The following INPP4B variants were observed in gnomAD, a reference collection of about 807,000 sequenced individuals.
INPP4B encodes inositol polyphosphate 4-phosphatase type II.
A neutral mutation model predicts 122.5 loss-of-function variants in INPP4B; 55 were observed. The observed-to-expected ratio is 0.45, with a 90% CI of 0.36 to 0.56. The LOEUF (loss-of-function observed/expected upper bound fraction) is 0.56, where lower values mean the gene tolerates loss of function less well. INPP4B is among the 20% of genes least tolerant of loss of function. The probability of loss-of-function intolerance (pLI) is 0.00; values close to 1 mark genes in which losing one functional copy is unlikely to be tolerated. For missense variants in INPP4B, 1,000 were observed against 1,097.7 expected (o/e 0.91, Z 1.26); for synonymous variants, 403 against 388.7 (o/e 1.04, Z -0.43).
chr4:142,388,022 T>C (rs555796671), intron 7 of INPP4B, among the ~76,000 whole-genome samples: 5 of 152,358 alleles, frequency 3.3e-5, no homozygotes, highest in African/African-American at 9.6e-5. Flanking sequence ...CCTTTATTAT[T>C]TGCTGATTCT....
At chr4:142,155,159 T>C (rs116343440) in intron 17 of INPP4B, among the ~76,000 whole-genome samples, 5,639 of 152,132 alleles carry the variant, frequency 0.037, 178 homozygotes, top group South Asian at 0.11. Flanking sequence ...AAAAGTTTAA[T>C]CATAGATTAA....
chr4:142,770,105 G>GA lies in INPP4B; in HGVS notation c.-253-44205dup, dbSNP rs544576028. 3.6e-3 allele frequency among the ~76,000 whole-genome samples: 544 copies of GA among 151,834 alleles called. 2 individuals are homozygous for GA. Among genetic ancestry groups the GA allele is most frequent in the Middle Eastern group, 0.014 (4 of 294 alleles). On this transcript the variant is annotated intron_variant, in intron 1 of 25. Transcript: ENST00000262992. ...CAAATTCTGGTATGACGTGTGGTGT[G>GA]AAAAAAAATTACATTACAAACTGAC...
chr4:142,258,914 T>C (rs1205560369), intron 11 of INPP4B, among the ~76,000 whole-genome samples: 1 of 152,140 alleles, frequency 6.6e-6, no homozygotes, highest in African/African-American at 2.4e-5. Context: ...CATATATTTA[T>C]TGTGGCATTA....
At chr4:142,602,624 C>A (rs1018704032) in intron 2 of INPP4B, among the ~76,000 whole-genome samples, 1 of 152,164 alleles carries the variant, frequency 6.6e-6, no homozygotes, top group Admixed American at 6.5e-5. Flanking sequence ...AGCTCAACAT[C>A]ACTGATCATT....
intron 25 of INPP4B, among the ~76,000 whole-genome samples, chr4:142,034,308 A>G (rs1276260522): frequency 6.6e-6 from 1 of 152,070 alleles, no homozygotes; most frequent in Non-Finnish European, 1.5e-5. Flanking sequence ...CTGGCATCTT[A>G]GCAGGTGGGG....
intron 23 of INPP4B, among the ~76,000 whole-genome samples, chr4:142,104,790 C>A (rs1330410170): frequency 6.6e-6 from 1 of 152,056 alleles, no homozygotes. Flanking sequence ...CACATCATCC[C>A]CTATACTTTA....
intron 8 of INPP4B, chr4:142,306,034 G>C: frequency 1.7e-6 from 1 of 572,266 alleles, no homozygotes; most frequent in Non-Finnish European, 2.2e-6. Flanking sequence ...TCACAGCAAT[G>C]TTTAAAAGCA....
chr4:142,031,900 A>G (rs1204011132), intron 25 of INPP4B, among the ~76,000 whole-genome samples: 1 of 152,228 alleles, frequency 6.6e-6, no homozygotes, highest in African/African-American at 2.4e-5. Context: ...TACATCAGAT[A>G]GAGATTTCAA....
At chr4:142,132,683 A>C (rs1801924911) in intron 18 of INPP4B, among the ~76,000 whole-genome samples, 1 of 152,072 alleles carries the variant, frequency 6.6e-6, no homozygotes, top group African/African-American at 2.4e-5. Context: ...CCTACTTAAG[A>C]GTGTCACTCT....
intron 1 of INPP4B, among the ~76,000 whole-genome samples, chr4:142,740,607 A>G (rs1278802421): frequency 2.0e-5 from 3 of 151,944 alleles, no homozygotes; most frequent in Non-Finnish European, 2.9e-5. Flanking sequence ...CCTTATAAGA[A>G]ATAGTGGAGA....
intron 9 of INPP4B, among the ~76,000 whole-genome samples, chr4:142,302,123 T>A (rs3775688): frequency 6.6e-6 from 1 of 152,110 alleles, no homozygotes; most frequent in African/African-American, 2.4e-5. Context: ...GTCAGGGTTC[T>A]GGGATAAGAA....
intron 18 of INPP4B, among the ~76,000 whole-genome samples, chr4:142,140,581 T>A (rs905476259): frequency 6.6e-6 from 1 of 152,194 alleles, no homozygotes; most frequent in Admixed American, 6.5e-5. Context: ...AAAATCATCC[T>A]GAGTAGGTCA....
chr4:142,737,016 C>A (rs1477616973), intron 1 of INPP4B, among the ~76,000 whole-genome samples: 1 of 152,116 alleles, frequency 6.6e-6, no homozygotes, highest in Non-Finnish European at 1.5e-5. Flanking sequence ...GAATCAATAT[C>A]ATGAAAATGG....
rs189516669 is a variant in INPP4B at position 142,064,399 on chromosome 4, C to G, written c.2642+17632G>C. Reference sequence around the variant, plus strand: ...GTCAACCAGATGTTTCTCATGTGGTCAAGCTGAACCCATGGTAGGTCTACA... The same window carrying G: ...GTCAACCAGATGTTTCTCATGTGGTGAAGCTGAACCCATGGTAGGTCTACA... On this transcript the variant is annotated intron_variant, in intron 25 of 25. Coordinates refer to ENST00000262992, the MANE Select transcript of INPP4B (RefSeq NM_001101669.3). Among the ~76,000 whole-genome samples, 517 of 152,098 alleles carry G rather than the reference C, an allele frequency of 3.4e-3. 4 individuals carry two copies. Among genetic ancestry groups the G allele is most frequent in the Middle Eastern group, 3.4e-3 (1 of 294 alleles).
intron 1 of INPP4B, among the ~76,000 whole-genome samples, chr4:142,742,338 T>C (rs1768024606): frequency 6.6e-6 from 1 of 152,030 alleles, no homozygotes; most frequent in South Asian, 2.1e-4. Flanking sequence ...TTCTGCTAAG[T>C]TGCATTTTTA....
intron 2 of INPP4B, among the ~76,000 whole-genome samples, chr4:142,699,768 G>T (rs906176167): frequency 1.3e-5 from 2 of 152,156 alleles, no homozygotes; most frequent in Admixed American, 1.3e-4. Context: ...CAAAAGGTAT[G>T]CAATATCTAG....
chr4:142,469,428 C>A (rs186684549), intron 2 of INPP4B, among the ~76,000 whole-genome samples: 1 of 152,060 alleles, frequency 6.6e-6, no homozygotes, highest in East Asian at 1.9e-4. Flanking sequence ...ATATCAATTC[C>A]TTCCAAATTA....
At chr4:142,787,899 C>A (rs769538507) in intron 1 of INPP4B, among the ~76,000 whole-genome samples, 5 of 151,230 alleles carry the variant, frequency 3.3e-5, no homozygotes, top group African/African-American at 1.2e-4. Flanking sequence ...AATAGGTCAC[C>A]GAGAAACTAG....
chr4:142,565,212 T>C (rs556110072), intron 2 of INPP4B, among the ~76,000 whole-genome samples: 1 of 152,180 alleles, frequency 6.6e-6, no homozygotes, highest in Admixed American at 6.5e-5. Context: ...TATGGCTCCT[T>C]GGAGAAACAG....
Sources: gnomAD v4.1 joint callset for allele counts (sites outside exome capture counted in the v4.1 genomes callset) on GRCh38, gnomAD v4.1.1 for gene constraint, MANE v1.5 for transcripts, NCBI Gene and HGNC (gene_info 2026-07-23, HGNC 2026-07-21) for gene names.